Variants in GALNT11 observed in about 807,000 individuals in gnomAD.
The protein encoded by GALNT11 is UDP-GalNAc:polypeptide N-acetylgalactosaminyltransferase 11.
GALNT11 carries 47 observed loss-of-function variants against 72.7 expected under a neutral mutation model. That is an observed-to-expected ratio of 0.65 (90% CI 0.51 to 0.82). The LOEUF is 0.82. GALNT11 is among the 40% of genes least tolerant of loss of function. GALNT11 has a pLI of 0.00. For synonymous variants in GALNT11, 270 were observed against 286.6 expected (o/e 0.94, Z 0.58); for missense variants, 677 against 778.4 (o/e 0.87, Z 1.55).
At chr7:152,033,696 C>T (rs1010350403) in intron 1 of GALNT11, among the ~76,000 whole-genome samples, 5 of 152,122 alleles carry the variant, frequency 3.3e-5, no homozygotes, top group African/African-American at 1.2e-4. Flanking sequence ...TCCTAATTCT[C>T]CTTAGTCCTT....
At chr7:152,099,947 ATTTTTT>A (rs768708954) in intron 2 of GALNT11, among the ~76,000 whole-genome samples, 1 of 114,474 alleles carries the variant, frequency 8.7e-6, no homozygotes, top group East Asian at 2.6e-4. Flanking sequence ...CACCTGGCTA[ATTTTTT>A]TTTTTTTTTT....
chr7:152,100,583 A>T (rs1422466351), intron 2 of GALNT11, among the ~76,000 whole-genome samples: 1 of 151,708 alleles, frequency 6.6e-6, no homozygotes, highest in Non-Finnish European at 1.5e-5. Flanking sequence ...AAAAAAAATT[A>T]TGGCTTGTGA....
chr7:152,110,067 T>C lies in GALNT11; in HGVS notation c.963-461T>C, dbSNP rs149404063. ...CACAAACACATCAAGATGTGACAGC[T>C]AAAAATGCTCCCAACATTATGAAAT... On this transcript the variant is annotated intron_variant, in intron 6 of 11. Transcript: ENST00000430044. Among the ~76,000 whole-genome samples the C allele has an allele frequency of 8.0e-4, 122 of 152,294 alleles. 1 individual carries two copies. Among genetic ancestry groups the C allele is most frequent in the African/African-American group, 2.8e-3 (116 of 41,572 alleles).
intron 1 of GALNT11, among the ~76,000 whole-genome samples, chr7:152,057,580 T>C (rs146605718): frequency 6.6e-6 from 1 of 152,282 alleles, no homozygotes; most frequent in East Asian, 1.9e-4. Context: ...GTGCTGGGAT[T>C]GTAGGTGTGA....
rs1447645817 is a variant in GALNT11 at position 152,107,959 on chromosome 7, C to T, written c.713-79C>T. ...AGTCGTGTTTCATGCTGTGTCAGCG[C>T]GTCATCCCATTGGACGGGTGGTTGT... On this transcript the variant is annotated intron_variant, in intron 5 of 11. Transcript: ENST00000430044. The T allele has an allele frequency of 4.6e-6, 7 of 1,505,674 alleles. No homozygotes were observed. In the African/African-American group the frequency reaches 6.9e-5, roughly 15 times the overall value. The allele number at this position is 1,505,674 out of a possible 1,614,324, so 93.3% of individuals were successfully genotyped here. A position where few individuals can be genotyped will look rare whatever the true frequency, so the allele number is the denominator to read the frequency against.
intron 4 of GALNT11, chr7:152,103,543 G>C (rs2087197828): frequency 2.8e-6 from 1 of 356,024 alleles, no homozygotes; most frequent in South Asian, 4.4e-5. Context: ...AATAACTGTA[G>C]GTTCACAGGA....
At chr7:152,036,609 G>A (rs1012002786) in intron 1 of GALNT11, among the ~76,000 whole-genome samples, 1 of 152,192 alleles carries the variant, frequency 6.6e-6, no homozygotes, top group African/African-American at 2.4e-5. Flanking sequence ...TATACTATGA[G>A]TGGGATTGCT....
At chr7:152,054,458 T>G (rs779427198) in intron 1 of GALNT11, among the ~76,000 whole-genome samples, 7 of 150,790 alleles carry the variant, frequency 4.6e-5, no homozygotes, top group African/African-American at 1.5e-4. Flanking sequence ...TGTGGTAAAA[T>G]GTAGATAACA....
At chr7:152,120,386 T>C (rs1362035674) in intron 10 of GALNT11, 19 of 178,460 alleles carry the variant, frequency 1.1e-4, no homozygotes, top group Non-Finnish European at 1.9e-4. Context: ...GTCACCCAGT[T>C]GTGTTCCTGA....
At chr7:152,113,712 CTTTTT>C (rs6150397) in intron 8 of GALNT11, among the ~76,000 whole-genome samples, 31 of 96,964 alleles carry the variant, frequency 3.2e-4, no homozygotes, top group East Asian at 7.4e-4. Flanking sequence ...AGTTGGCTTT[CTTTTT>C]TTTTTTTTTT....
chr7:152,028,388 G>C (rs1449009854), intron 1 of GALNT11, among the ~76,000 whole-genome samples: 1 of 152,144 alleles, frequency 6.6e-6, no homozygotes, highest in Non-Finnish European at 1.5e-5. Context: ...GCTAGACACA[G>C]AGCGCTGATT....
At chr7:152,026,961 T>C (rs922524921) in intron 1 of GALNT11, among the ~76,000 whole-genome samples, 9 of 152,220 alleles carry the variant, frequency 5.9e-5, no homozygotes, top group Non-Finnish European at 7.3e-5. Flanking sequence ...TTAAAAATTT[T>C]TTTATTAGCC....
chr7:152,111,517 C>A (rs966145666), intron 7 of GALNT11, among the ~76,000 whole-genome samples: 5 of 152,102 alleles, frequency 3.3e-5, no homozygotes, highest in African/African-American at 1.2e-4. Flanking sequence ...GCTTTTAGTG[C>A]ACTCATCACC....
intron 5 of GALNT11, 25 bp from the exon 6 acceptor site, chr7:152,108,013 T>C (rs1563076775): frequency 1.9e-6 from 3 of 1,593,180 alleles, no homozygotes; most frequent in African/African-American, 2.7e-5. Context: ...GACACTCTCC[T>C]GAGCCTCTGT....
intron 1 of GALNT11, among the ~76,000 whole-genome samples, chr7:152,035,753 T>C (rs552022298): frequency 7.9e-5 from 12 of 152,282 alleles, no homozygotes; most frequent in Admixed American, 7.2e-4. Flanking sequence ...GTGCCTGGTA[T>C]TTAGCCACCG....
At position 152,117,355 on chromosome 7, in the gene GALNT11, A is replaced by G. The variant is rs763494140; in HGVS notation, c.1432A>G (p.Lys478Glu). The G allele has an allele frequency of 3.1e-6, 5 of 1,614,222 alleles. No homozygotes were observed. The highest frequency in any genetic ancestry group is 2.2e-5 in the East Asian group (1 of 44,888). The part of the protein sequence containing the change: ...IFVNRGPKRP[K>E]VLQRGRLYHL... ...TGTCAATAGAGGGCCAAAACGACCC[A>G]AAGTCCTTCAACGTGGAAGGGTAAG... The change falls in exon 9 of 12, where the codon AAA (lysine) becomes GAA (glutamate). Residue 478 changes from lysine (K) to glutamate (E), a missense_variant. Lys to Glu is a moderately conservative substitution (Grantham distance 56). Coordinates refer to ENST00000430044, the MANE Select transcript of GALNT11 (RefSeq NM_022087.4).
At chr7:152,121,470 G>T in intron 11 of GALNT11, 76 bp from the exon 12 acceptor site, 1 of 1,538,484 alleles carries the variant, frequency 6.5e-7, no homozygotes. Context: ...GAATTCTTAA[G>T]TGCTCCATCT....
In GALNT11 at chr7:152,094,555, A is replaced by G. The variant is rs781032944; in HGVS notation, c.295+33A>G. On this transcript the variant is annotated intron_variant, in intron 2 of 11. Transcript: ENST00000430044. The surrounding 1 kb of genome is among the most constrained non-coding windows in gnomAD (Gnocchi z 4.3). ...TATGATGTTTACCAGCATCCATATC[A>G]ATGTATTTAATCACTGGAAGTTTGA... is the stretch of plus-strand genomic sequence containing the variant. 2 of 1,543,646 alleles carry G rather than the reference A, an allele frequency of 1.3e-6. No individual in the cohort carries two copies. The highest frequency in any genetic ancestry group is 4.5e-5 in the East Asian group (2 of 44,094).
At chr7:152,034,734 C>A (rs1187263538) in intron 1 of GALNT11, among the ~76,000 whole-genome samples, 1 of 152,140 alleles carries the variant, frequency 6.6e-6, no homozygotes, top group Admixed American at 6.5e-5. Context: ...CTGGACCCTG[C>A]GGATGGGAAT....
Sources: gnomAD v4.1 joint callset for allele counts (sites outside exome capture counted in the v4.1 genomes callset) on GRCh38, gnomAD v4.1.1 for gene constraint, Gnocchi (gnomAD v3.1) non-coding constraint, MANE v1.5 for transcripts, NCBI Gene and HGNC (gene_info 2026-07-23, HGNC 2026-07-21) for gene names.